Variants in NWD2 observed in about 807,000 individuals in gnomAD.
NWD2 encodes the protein NACHT and WD repeat domain containing 2.
In NWD2, 37 loss-of-function variants were observed where a neutral mutation model predicts 132.7. That is an observed-to-expected ratio of 0.28 (90% CI 0.21 to 0.37). The LOEUF (loss-of-function observed/expected upper bound fraction) is 0.37. Among genes scored for constraint, NWD2 ranks in the 10% least tolerant of loss-of-function variants. NWD2 has a pLI of 1.00. For synonymous variants in NWD2, 705 were observed against 803.0 expected, an observed-to-expected ratio of 0.88 and a Z score of 2.06; for missense variants, 1,592 against 2,122.4, an observed-to-expected ratio of 0.75 and a Z score of 4.91.
intron 1 of NWD2, among the ~76,000 whole-genome samples, chr4:37,301,398 C>G (rs1718609280): frequency 6.6e-6 from 1 of 152,062 alleles, no homozygotes; most frequent in East Asian, 1.9e-4. Context: ...GCCATCATTT[C>G]TTCAAATACT....
chr4:37,245,247 C>G, intron 1 of NWD2, 29 bp downstream of exon 1: 1 of 1,512,034 alleles, frequency 6.6e-7, no homozygotes, highest in Non-Finnish European at 8.8e-7. Flanking sequence ...TTTGCCCGTC[C>G]GTCCTTCTGT....
At chr4:37,428,637 T>C (rs1712070925) in intron 3 of NWD2, among the ~76,000 whole-genome samples, 1 of 152,228 alleles carries the variant, frequency 6.6e-6, no homozygotes, top group African/African-American at 2.4e-5. Flanking sequence ...GTGTTGCAGA[T>C]GCTGCTGGTT....
At chr4:37,251,094 C>CTGGTCTCT (rs1469516813) in intron 1 of NWD2, among the ~76,000 whole-genome samples, 1 of 152,162 alleles carries the variant, frequency 6.6e-6, no homozygotes, top group East Asian at 1.9e-4. Flanking sequence ...GCCTGGCCAG[C>CTGGTCTCT]ATGGTGAAAC....
intron 3 of NWD2, among the ~76,000 whole-genome samples, chr4:37,399,795 G>A (rs1344818899): frequency 2.0e-5 from 3 of 152,186 alleles, no homozygotes; most frequent in African/African-American, 4.8e-5. Context: ...TCCCATGCCA[G>A]TGGCATCTAT....
At chr4:37,431,458 A>G (rs1430767054) in intron 4 of NWD2, among the ~76,000 whole-genome samples, 1 of 152,210 alleles carries the variant, frequency 6.6e-6, no homozygotes, top group African/African-American at 2.4e-5. Flanking sequence ...TTACATATGG[A>G]ATCTAAAAAC....
At chr4:37,351,325 C>T (rs991133206) in intron 2 of NWD2, among the ~76,000 whole-genome samples, 2 of 151,796 alleles carry the variant, frequency 1.3e-5, no homozygotes, top group East Asian at 1.9e-4. Context: ...TTTTTTGGCT[C>T]GTAGGCTATT....
chr4:37,392,267 A>G (rs1281024881), intron 3 of NWD2, among the ~76,000 whole-genome samples: 2 of 152,122 alleles, frequency 1.3e-5, no homozygotes, highest in Non-Finnish European at 2.9e-5. Context: ...TACACCTGAG[A>G]GTGTAGTACA....
chr4:37,446,514 C>T lies in NWD2; in HGVS notation c.4526C>T (p.Thr1509Ile). The part of the protein sequence containing the change: ...SAETVNIWSL[T>I]DEVICRRVQL... ...GAGACTGTGAACATCTGGAGTCTGA[C>T]AGATGAAGTGATCTGTCGGCGCGTG... Residue 1509 changes from threonine (T) to isoleucine (I), a missense_variant, in exon 7 of 7, where the codon ACA becomes ATA. Coordinates refer to ENST00000309447, the MANE Select transcript of NWD2 (RefSeq NM_001144990.2). This position sits in a 1 kb window ranked among gnomAD's most constrained non-coding sequence, Gnocchi z 6.7. 6.4e-7 allele frequency: 1 copy of T among 1,551,718 alleles called. No homozygotes were observed. Among genetic ancestry groups the T allele is most frequent in the Non-Finnish European group, 8.7e-7 (1 of 1,147,004 alleles).
intron 1 of NWD2, among the ~76,000 whole-genome samples, chr4:37,314,701 C>G (rs1718923572): frequency 6.6e-6 from 1 of 152,100 alleles, no homozygotes; most frequent in African/African-American, 2.4e-5. Flanking sequence ...GATAATTGTA[C>G]TGATCTTTCA....
intron 3 of NWD2, among the ~76,000 whole-genome samples, chr4:37,422,097 A>C (rs1387523940): frequency 6.6e-6 from 1 of 152,186 alleles, no homozygotes; most frequent in Non-Finnish European, 1.5e-5. Context: ...TCACATGGGT[A>C]GTTAGGGCTT....
At chr4:37,302,821 T>C (rs1021847007) in intron 1 of NWD2, among the ~76,000 whole-genome samples, 2 of 152,156 alleles carry the variant, frequency 1.3e-5, no homozygotes, top group Admixed American at 1.3e-4. Context: ...TTTGTTGTTT[T>C]GGCTGTTGAG....
At chr4:37,370,621 C>T (rs1236826431) in intron 3 of NWD2, among the ~76,000 whole-genome samples, 2 of 152,086 alleles carry the variant, frequency 1.3e-5, no homozygotes, top group Non-Finnish European at 2.9e-5. Context: ...CCTGATTAAC[C>T]AACAGCAGGG....
At chr4:37,259,866 G>A (rs903314892) in intron 1 of NWD2, among the ~76,000 whole-genome samples, 1 of 152,220 alleles carries the variant, frequency 6.6e-6, no homozygotes, top group South Asian at 2.1e-4. Context: ...AGGAGCCACT[G>A]AGGGAAGAAG....
At chr4:37,297,964 A>G (rs1560388244) in intron 1 of NWD2, among the ~76,000 whole-genome samples, 1 of 152,080 alleles carries the variant, frequency 6.6e-6, no homozygotes, top group Non-Finnish European at 1.5e-5. Context: ...CCCCAGGAAC[A>G]CCCCTAGGTT....
chr4:37,339,716 A>C (rs934588848), intron 2 of NWD2, among the ~76,000 whole-genome samples: 2 of 152,180 alleles, frequency 1.3e-5, no homozygotes, highest in South Asian at 2.1e-4. Context: ...GTATGGTTTT[A>C]GTGCATGGAT....
At chr4:37,256,777 C>G (rs1240153751) in intron 1 of NWD2, among the ~76,000 whole-genome samples, 3 of 152,154 alleles carry the variant, frequency 2.0e-5, no homozygotes, top group African/African-American at 4.8e-5. Context: ...TCTCTCTCCT[C>G]TAAGAAGCTA....
chr4:37,306,743 C>T (rs1286207786), intron 1 of NWD2, among the ~76,000 whole-genome samples: 1 of 152,056 alleles, frequency 6.6e-6, no homozygotes, highest in Non-Finnish European at 1.5e-5. Flanking sequence ...ATGTTCTGGG[C>T]CGGGTGTGGT....
chr4:37,333,291 C>A (rs1311146191), intron 2 of NWD2, among the ~76,000 whole-genome samples: 1 of 152,164 alleles, frequency 6.6e-6, no homozygotes, highest in Admixed American at 6.5e-5. Flanking sequence ...ATGGGACTCA[C>A]TGCTGTGATG....
intron 3 of NWD2, among the ~76,000 whole-genome samples, chr4:37,393,923 A>G (rs1720728384): frequency 6.6e-6 from 1 of 152,226 alleles, no homozygotes; most frequent in South Asian, 2.1e-4. Flanking sequence ...AGAGTTGTGA[A>G]AAGAACGGTT....
Sources: gnomAD v4.1 joint callset for allele counts (sites outside exome capture counted in the v4.1 genomes callset) on GRCh38, gnomAD v4.1.1 for gene constraint, Gnocchi (gnomAD v3.1) non-coding constraint, MANE v1.5 for transcripts, NCBI Gene and HGNC (gene_info 2026-07-23, HGNC 2026-07-21) for gene names.